SULF2: variants seen among roughly 807,000 people sequenced by gnomAD.
SULF2 encodes sulfatase 2.
SULF2 carries 52 observed loss-of-function variants against 107.7 expected under a neutral mutation model. The ratio of observed to expected loss-of-function variants is 0.48; its 90% CI spans 0.39 to 0.61. The LOEUF (loss-of-function observed/expected upper bound fraction) is 0.61. Ranked by LOEUF, SULF2 falls within the 20% of genes least tolerant of loss-of-function variation. The pLI is 0.00. For missense variants in SULF2, 993 were observed against 1,177.3 expected, an observed-to-expected ratio of 0.84 and a Z score of 2.29; for synonymous variants, 460 against 464.3, an observed-to-expected ratio of 0.99 and a Z score of 0.12.
At chr20:47,690,845 G>T (rs369840097) in intron 4 of SULF2, among the ~76,000 whole-genome samples, 3 of 147,320 alleles carry the variant, frequency 2.0e-5, no homozygotes, top group East Asian at 4.0e-4. Context: ...CTCCAGCCTG[G>T]GTGACAAAGC....
At chr20:47,721,349 C>A (rs1404450180) in intron 3 of SULF2, among the ~76,000 whole-genome samples, 2 of 148,250 alleles carry the variant, frequency 1.3e-5, no homozygotes, top group Non-Finnish European at 3.0e-5. Context: ...TCTCCTCCCA[C>A]TTGCCCTTTA....
chr20:47,679,408 T>C (rs2087754246), intron 7 of SULF2, among the ~76,000 whole-genome samples: 2 of 152,218 alleles, frequency 1.3e-5, no homozygotes, highest in Non-Finnish European at 1.5e-5. Context: ...TGGACCAACC[T>C]GCACCTGCTG....
intron 5 of SULF2, among the ~76,000 whole-genome samples, chr20:47,687,269 C>G (rs1034357265): frequency 6.6e-6 from 1 of 152,124 alleles, no homozygotes; most frequent in Non-Finnish European, 1.5e-5. Flanking sequence ...TTGGGGTCGA[C>G]GCCAGCTTGC....
At position 47,659,812 on chromosome 20, in the gene SULF2, T is replaced by C. The variant is rs1429380706; in HGVS notation, c.2495-82A>G. 28 of 1,082,912 alleles carry C rather than the reference T, an allele frequency of 2.6e-5. No homozygotes were observed. The East Asian group carries it at 5.5e-4, about 21-fold the overall frequency. 67.1% of individuals were successfully genotyped at this position (1,082,912 alleles called of 1,614,324 possible). ...CCCAACACACCAGAAAACCATCTTA[T>C]GCTTTTTTGTCACAATCCCATGATG... On this transcript the variant is annotated intron_variant, in intron 18 of 20. Coordinates refer to ENST00000688720, the MANE Select transcript of SULF2 (RefSeq NM_001387048.1).
At chr20:47,757,669 G>A (rs532158708) in intron 1 of SULF2, among the ~76,000 whole-genome samples, 2 of 152,198 alleles carry the variant, frequency 1.3e-5, no homozygotes, top group African/African-American at 4.8e-5. Context: ...AAAGCCTTCT[G>A]TGGCCACTTC....
intron 3 of SULF2, among the ~76,000 whole-genome samples, chr20:47,726,518 G>T (rs2089448268): frequency 6.6e-6 from 1 of 152,080 alleles, no homozygotes; most frequent in African/African-American, 2.4e-5. Context: ...CTATTCTCCT[G>T]CTGTCCAAGA....
At position 47,658,120 on chromosome 20, in the gene SULF2, T is replaced by C; in HGVS notation, c.*242A>G. 1.9e-6 allele frequency: 1 copy of C among 530,256 alleles called. No homozygotes were observed. Among genetic ancestry groups the C allele is most frequent in the Non-Finnish European group, 3.3e-6 (1 of 298,586 alleles). The allele number at this position is 530,256 out of a possible 1,614,324, so 32.8% of individuals were successfully genotyped here. On this transcript the variant is annotated 3_prime_UTR_variant, in exon 21 of 21. Coordinates refer to ENST00000688720, the MANE Select transcript of SULF2 (RefSeq NM_001387048.1). ...GACTTTTTGATACGAAAAAATGCAT[T>C]TTGTGCAGCTGGTGAGGTATAATCC...
At chr20:47,664,834 G>A (rs1473106598) in intron 14 of SULF2, among the ~76,000 whole-genome samples, 1 of 152,274 alleles carries the variant, frequency 6.6e-6, no homozygotes, top group Non-Finnish European at 1.5e-5. Context: ...TATTAGAGCT[G>A]TTCTAGAGTT....
intron 3 of SULF2, among the ~76,000 whole-genome samples, chr20:47,731,187 CTTTTT>C (rs71183273): frequency 1.2e-5 from 1 of 81,168 alleles, no homozygotes; most frequent in African/African-American, 6.2e-5. Flanking sequence ...TGTATCTTCT[CTTTTT>C]TTTTTTTTTT....
At position 47,663,628 on chromosome 20, in the gene SULF2, G is replaced by A. The variant is rs760636195; in HGVS notation, c.2058-6C>T. 3 of 1,571,298 alleles carry A rather than the reference G, an allele frequency of 1.9e-6. No individual in the cohort carries two copies. In the African/African-American group the frequency reaches 4.0e-5, roughly 21 times the overall value. On this transcript the variant is annotated splice_polypyrimidine_tract_variant and splice_region_variant and intron_variant, in intron 15 of 20. Transcript: ENST00000688720. The stretch of plus-strand genomic sequence containing the variant: ...CCTTCTCTTGCAGGCCCTTCCTATG[G>A]GCGCAGAGGGCCACACACACCTTGG...
chr20:47,782,637 G>A (rs1379393203), intron 1 of SULF2, among the ~76,000 whole-genome samples: 3 of 152,138 alleles, frequency 2.0e-5, no homozygotes, highest in Non-Finnish European at 2.9e-5. Flanking sequence ...TGGCCACTGT[G>A]CTCTGAGTGG....
Position 47,666,406 on chromosome 20 carries a change from C to T in SULF2, c.1659G>A (p.Leu553=). The T allele has an allele frequency of 1.2e-6, 2 of 1,614,016 alleles. No individual in the cohort carries two copies. Among genetic ancestry groups the T allele is most frequent in the Non-Finnish European group, 1.7e-6 (2 of 1,180,048 alleles). ...GGTTTCGGGGCTGGGCGGCATCACC[C>T]AGGCCTACGTGGTACACCCTGCCGT... The part of the protein sequence containing the change: ...EVDGRVYHVG[L]GDAAQPRNLT... The change falls in exon 12 of 21, where the codon CTG becomes CTA. Residue 553 remains leucine (L), a synonymous_variant. Transcript: ENST00000688720. The surrounding 1 kb of genome is among the most constrained non-coding windows in gnomAD (Gnocchi z 5.4).
At chr20:47,782,494 TGA>T (rs911432958) in intron 1 of SULF2, among the ~76,000 whole-genome samples, 2 of 152,042 alleles carry the variant, frequency 1.3e-5, no homozygotes, top group African/African-American at 4.8e-5. Context: ...AGATCAGCAT[TGA>T]GAGAGGCCCC....
chr20:47,771,538 C>T (rs1006489405), intron 1 of SULF2, among the ~76,000 whole-genome samples: 1 of 152,220 alleles, frequency 6.6e-6, no homozygotes, highest in African/African-American at 2.4e-5. Flanking sequence ...CCTCCCCCAG[C>T]TCTTCCCTTC....
chr20:47,764,409 T>C (rs959828810), intron 1 of SULF2, among the ~76,000 whole-genome samples: 2 of 120,030 alleles, frequency 1.7e-5, no homozygotes, highest in Non-Finnish European at 3.5e-5. Flanking sequence ...TAACAGCCCC[T>C]GTTAGTGCTT....
At chr20:47,742,677 A>G (rs1379575190) in intron 2 of SULF2, among the ~76,000 whole-genome samples, 1 of 152,116 alleles carries the variant, frequency 6.6e-6, no homozygotes, top group Non-Finnish European at 1.5e-5. Flanking sequence ...AAACCCTTTA[A>G]TCTCAATCCA....
chr20:47,730,932 T>C (rs2146753623), intron 3 of SULF2, among the ~76,000 whole-genome samples: 2 of 152,240 alleles, frequency 1.3e-5, no homozygotes, highest in South Asian at 4.1e-4. Flanking sequence ...GCTGGGCAAG[T>C]TGGCACAAAC....
chr20:47,784,432 T>G (rs892871230), intron 1 of SULF2, among the ~76,000 whole-genome samples: 3 of 151,572 alleles, frequency 2.0e-5, no homozygotes, highest in African/African-American at 2.4e-5. Context: ...CACAGGCAGG[T>G]CTGGCTTGCT....
chr20:47,738,271 C>A (rs1191501591), intron 2 of SULF2, among the ~76,000 whole-genome samples: 1 of 152,198 alleles, frequency 6.6e-6, no homozygotes, highest in Non-Finnish European at 1.5e-5. Flanking sequence ...AGTGCATGCT[C>A]AATTGTATGC....
Sources: allele counts gnomAD v4.1 joint callset (sites outside exome capture counted in the v4.1 genomes callset), GRCh38; gene constraint gnomAD v4.1.1; non-coding constraint Gnocchi (gnomAD v3.1); transcripts MANE v1.5; gene names NCBI Gene and HGNC (gene_info 2026-07-23, HGNC 2026-07-21).